CCSER1: variants seen among roughly 807,000 people sequenced by gnomAD.
CCSER1 encodes the protein coiled-coil serine rich protein 1.
CCSER1 carries 41 observed loss-of-function variants against 82.0 expected under a neutral mutation model. The observed-to-expected ratio is 0.50, with a 90% CI of 0.39 to 0.65. The LOEUF is 0.65. Ranked by LOEUF, CCSER1 falls within the 30% of genes least tolerant of loss-of-function variation. CCSER1 has a pLI of 0.00. For missense variants in CCSER1, 1,119 were observed against 1,064.2 expected (o/e 1.05, Z -0.72); for synonymous variants, 414 against 383.9 (o/e 1.08, Z -0.92).
chr4:90,393,672 ATAAT>A (rs1211589784), intron 3 of CCSER1, among the ~76,000 whole-genome samples: 1 of 152,086 alleles, frequency 6.6e-6, no homozygotes, highest in African/African-American at 2.4e-5. Context: ...TCTATGAGAC[ATAAT>A]TAATGACTGT....
At chr4:90,335,955 A>G (rs1740315410) in intron 3 of CCSER1, among the ~76,000 whole-genome samples, 1 of 152,190 alleles carries the variant, frequency 6.6e-6, no homozygotes, top group African/African-American at 2.4e-5. Flanking sequence ...TGGCTTTTAT[A>G]AAATATGTAT....
At position 90,739,583 on chromosome 4, in the gene CCSER1, T is replaced by C. The variant is rs558756938; in HGVS notation, c.2010+15592T>C. Among the ~76,000 whole-genome samples, 11 of 152,310 alleles carry C rather than the reference T, an allele frequency of 7.2e-5. No individual in the cohort carries two copies. In the East Asian group the frequency reaches 2.1e-3, roughly 29 times the overall value. On this transcript the variant is annotated intron_variant, in intron 7 of 10. Transcript: ENST00000509176. ...TAGACTGCATTTCAAGTTTATTTAG[T>C]ACCCCCAAGCTCTTTAGCCTGTGGT... is the stretch of plus-strand genomic sequence containing the variant.
chr4:91,379,191 G>A (rs1195754629), intron 10 of CCSER1, among the ~76,000 whole-genome samples: 1 of 152,132 alleles, frequency 6.6e-6, no homozygotes, highest in Non-Finnish European at 1.5e-5. Context: ...ATCTTCATCA[G>A]GGATATTGGT....
intron 8 of CCSER1, among the ~76,000 whole-genome samples, chr4:90,838,636 T>A (rs957321626): frequency 5.3e-5 from 8 of 152,114 alleles, no homozygotes; most frequent in Admixed American, 2.6e-4. Flanking sequence ...TTACTCTAGA[T>A]TTCACTGTTG....
At chr4:90,288,703 T>C (rs1160204267) in intron 1 of CCSER1, among the ~76,000 whole-genome samples, 1 of 152,034 alleles carries the variant, frequency 6.6e-6, no homozygotes, top group Non-Finnish European at 1.5e-5. Context: ...ACCTTTTAGA[T>C]AACTAATTTC....
intron 3 of CCSER1, among the ~76,000 whole-genome samples, chr4:90,392,763 A>G (rs1476863498): frequency 6.6e-6 from 1 of 152,206 alleles, no homozygotes; most frequent in African/African-American, 2.4e-5. Context: ...ACTCAAAACC[A>G]TAAGGTAAAT....
intron 5 of CCSER1, among the ~76,000 whole-genome samples, chr4:90,539,953 T>C (rs899439118): frequency 3.3e-5 from 5 of 152,022 alleles, no homozygotes; most frequent in Admixed American, 6.6e-5. Flanking sequence ...ATAGAGACCC[T>C]TCTATTCTAA....
At chr4:90,925,890 A>G (rs1049448872) in intron 9 of CCSER1, among the ~76,000 whole-genome samples, 4 of 152,136 alleles carry the variant, frequency 2.6e-5, no homozygotes, top group African/African-American at 9.6e-5. Flanking sequence ...TAAAATATGC[A>G]TGTAAAAACT....
intron 5 of CCSER1, among the ~76,000 whole-genome samples, chr4:90,521,340 G>T (rs1340228238): frequency 2.0e-5 from 3 of 152,180 alleles, no homozygotes; most frequent in Non-Finnish European, 4.4e-5. Context: ...CAGTGCATTT[G>T]TTTGTCGGAA....
At chr4:91,130,997 T>C (rs899726592) in intron 10 of CCSER1, among the ~76,000 whole-genome samples, 4 of 151,782 alleles carry the variant, frequency 2.6e-5, no homozygotes, top group Admixed American at 6.6e-5. Context: ...AATAAAAACA[T>C]ATAATTCATG....
intron 7 of CCSER1, among the ~76,000 whole-genome samples, chr4:90,789,594 G>A (rs1458223331): frequency 1.3e-5 from 2 of 152,030 alleles, no homozygotes; most frequent in Non-Finnish European, 2.9e-5. Flanking sequence ...CTCGGTGGGA[G>A]GTAATTGAAT....
At chr4:90,891,249 C>T (rs981333807) in intron 8 of CCSER1, among the ~76,000 whole-genome samples, 1 of 151,428 alleles carries the variant, frequency 6.6e-6, no homozygotes, top group African/African-American at 2.4e-5. Context: ...ATATAGTATA[C>T]TAAGAGTAAG....
At chr4:90,180,331 A>G (rs1463104527) in intron 1 of CCSER1, among the ~76,000 whole-genome samples, 1 of 151,990 alleles carries the variant, frequency 6.6e-6, no homozygotes, top group East Asian at 1.9e-4. Flanking sequence ...CCTCACGCCC[A>G]TAATCCCAGC....
intron 1 of CCSER1, among the ~76,000 whole-genome samples, chr4:90,159,738 C>T (rs1350037221): frequency 6.6e-6 from 1 of 152,136 alleles, no homozygotes; most frequent in East Asian, 1.9e-4. Flanking sequence ...TCTTTTGACT[C>T]AGGTGGTCAG....
chr4:90,714,472 G>A (rs934208448), intron 6 of CCSER1, among the ~76,000 whole-genome samples: 4 of 151,238 alleles, frequency 2.6e-5, no homozygotes, highest in African/African-American at 9.7e-5. Flanking sequence ...TAAGATAAAT[G>A]AACTGAGGGA....
intron 3 of CCSER1, among the ~76,000 whole-genome samples, chr4:90,388,079 A>G (rs1389608433): frequency 6.6e-6 from 1 of 152,182 alleles, no homozygotes; most frequent in Non-Finnish European, 1.5e-5. Flanking sequence ...AGATGTTAAC[A>G]TTTTAGACTT....
intron 7 of CCSER1, among the ~76,000 whole-genome samples, chr4:90,777,176 G>A (rs62313025): frequency 0.057 from 8,613 of 151,948 alleles, 356 homozygotes; most frequent in Admixed American, 0.11. Context: ...AGCCAACATG[G>A]TGAAACCCCA....
At chr4:90,400,638 C>T (rs998404135) in intron 4 of CCSER1, among the ~76,000 whole-genome samples, 1 of 152,020 alleles carries the variant, frequency 6.6e-6, no homozygotes, top group Admixed American at 6.5e-5. Flanking sequence ...TATACACACA[C>T]ATAGAGTTAG....
chr4:91,288,100 T>G (rs548099708), intron 10 of CCSER1, among the ~76,000 whole-genome samples: 3 of 146,202 alleles, frequency 2.1e-5, no homozygotes, highest in African/African-American at 7.7e-5. Flanking sequence ...ATAGGATATA[T>G]ATATAGGATA....
Sources: gnomAD v4.1 joint callset for allele counts (sites outside exome capture counted in the v4.1 genomes callset) on GRCh38, gnomAD v4.1.1 for gene constraint, MANE v1.5 for transcripts, NCBI Gene and HGNC (gene_info 2026-07-23, HGNC 2026-07-21) for gene names.